Variants in TRIM49C observed in about 807,000 individuals in gnomAD.
The protein encoded by TRIM49C is tripartite motif-containing protein 49C.
In TRIM49C, 6 loss-of-function variants were observed where a neutral mutation model predicts 21.4. The ratio of observed to expected loss-of-function variants is 0.28; its 90% confidence interval spans 0.15 to 0.55. The LOEUF (loss-of-function observed/expected upper bound fraction) is 0.55, where lower values mean the gene tolerates loss of function less well. TRIM49C is among the 20% of genes least tolerant of loss of function. The probability of loss-of-function intolerance (pLI) is 0.94; values close to 1 mark genes in which losing one functional copy is unlikely to be tolerated. For missense variants in TRIM49C, 161 were observed against 442.4 expected (o/e 0.36, Z 5.71); for synonymous variants, 57 against 148.1 (o/e 0.38, Z 4.47).
chr11:90,061,830 T>G, the TRIM49C span: 1 of 286,618 alleles, frequency 3.5e-6, no homozygotes, highest in Non-Finnish European at 5.6e-6. Context: ...ATTCCTGTTA[T>G]ATCAATTGAA....
downstream of TRIM49C, among the ~76,000 whole-genome samples, chr11:90,043,780 G>T (rs1188615772): frequency 8.4e-6 from 1 of 119,152 alleles, no homozygotes; most frequent in East Asian, 2.6e-4. Flanking sequence ...TGGAAAGTTT[G>T]ATTTTTTTTT....
At chr11:90,034,846 A>G (rs557952545) in intron 2 of TRIM49C, among the ~76,000 whole-genome samples, 1 of 135,094 alleles carries the variant, frequency 7.4e-6, no homozygotes, top group Non-Finnish European at 1.6e-5. Flanking sequence ...ACTCTTTCAC[A>G]GTCATTCATC....
the TRIM49C span, chr11:90,051,876 C>A: frequency 1.5e-5 from 7 of 452,032 alleles, 2 homozygotes; most frequent in Non-Finnish European, 2.8e-5. Flanking sequence ...GCTTCTCCTG[C>A]ACCTTGGCCT....
chr11:90,047,984 C>T, the TRIM49C span, among the ~76,000 whole-genome samples: 6 of 117,284 alleles, frequency 5.1e-5, 1 homozygote, highest in Admixed American at 9.8e-5. Context: ...AATCTCTCAG[C>T]ATTTGCTTGT....
At chr11:90,067,642 A>T in the TRIM49C span, among the ~76,000 whole-genome samples, 1 of 141,416 alleles carries the variant, frequency 7.1e-6, no homozygotes, top group African/African-American at 2.6e-5. Context: ...TGTCTTCCTC[A>T]AAACTTAGCT....
At chr11:90,070,792 T>C in the TRIM49C span, among the ~76,000 whole-genome samples, 1 of 141,834 alleles carries the variant, frequency 7.1e-6, no homozygotes, top group Admixed American at 8.0e-5. Context: ...GTTTGTTTCT[T>C]TGATTCTTTG....
chr11:90,067,811 A>C, the TRIM49C span, among the ~76,000 whole-genome samples: 1 of 139,660 alleles, frequency 7.2e-6, no homozygotes, highest in Non-Finnish European at 1.5e-5. Context: ...AATATTCATT[A>C]ATGGAAAACT....
chr11:90,068,441 AG>A, the TRIM49C span, among the ~76,000 whole-genome samples: 1 of 140,868 alleles, frequency 7.1e-6, no homozygotes, highest in Non-Finnish European at 1.5e-5. Context: ...CTAAGCACTA[AG>A]AAAGAAATTG....
downstream of TRIM49C, among the ~76,000 whole-genome samples, chr11:90,042,302 C>T (rs1253344994): frequency 1.4e-5 from 2 of 141,746 alleles, no homozygotes; most frequent in African/African-American, 5.2e-5. Context: ...ATAATTAAAA[C>T]AATTAGTTCA....
At chr11:90,037,235 AAGAAT>A (rs1342261705) in intron 4 of TRIM49C, among the ~76,000 whole-genome samples, 2 of 134,458 alleles carry the variant, frequency 1.5e-5, no homozygotes, top group African/African-American at 5.2e-5. Flanking sequence ...GACTTAGAAA[AAGAAT>A]AGAAGGAAAT....
the TRIM49C span, among the ~76,000 whole-genome samples, chr11:90,067,432 A>G: frequency 1.4e-5 from 2 of 148,076 alleles, no homozygotes; most frequent in African/African-American, 5.0e-5. Flanking sequence ...AAGCATGGTA[A>G]AATACACTAT....
chr11:90,031,661 C>T (rs4002078), intron 1 of TRIM49C, among the ~76,000 whole-genome samples: 18 of 151,816 alleles, frequency 1.2e-4, no homozygotes, highest in Admixed American at 5.9e-4. Context: ...AAAATAATAA[C>T]TCATCTTTCA....
the TRIM49C span, among the ~76,000 whole-genome samples, chr11:90,049,379 G>T: frequency 4.0e-5 from 3 of 75,648 alleles, no homozygotes; most frequent in Non-Finnish European, 7.3e-5. Flanking sequence ...AGGCAGGCAG[G>T]CCTCCTTGAG....
the TRIM49C span, among the ~76,000 whole-genome samples, chr11:90,055,813 A>G: frequency 1.4e-5 from 2 of 145,942 alleles, no homozygotes; most frequent in African/African-American, 2.5e-5. Flanking sequence ...ACCAACTCCT[A>G]TATTGGTACA....
At chr11:90,054,452 T>TAAATAATTTATTTA in the TRIM49C span, among the ~76,000 whole-genome samples, 1 of 137,384 alleles carries the variant, frequency 7.3e-6, no homozygotes, top group Non-Finnish European at 1.6e-5. Context: ...TGAGGCAGAG[T>TAAATAATTTATTTA]CTCACTCAGT....
downstream of TRIM49C, among the ~76,000 whole-genome samples, chr11:90,046,285 T>G (rs1302261227): frequency 7.9e-6 from 1 of 125,842 alleles, no homozygotes; most frequent in Non-Finnish European, 1.6e-5. Flanking sequence ...AGGATGATGC[T>G]GGCCTCATAA....
chr11:90,048,672 CT>C, the TRIM49C span, among the ~76,000 whole-genome samples: 1 of 133,088 alleles, frequency 7.5e-6, no homozygotes, highest in African/African-American at 3.0e-5. Flanking sequence ...TTCATCTAAT[CT>C]TTTTTCAAGG....
intron 4 of TRIM49C, among the ~76,000 whole-genome samples, chr11:90,036,820 A>G (rs1246893955): frequency 1.4e-5 from 2 of 138,720 alleles, no homozygotes; most frequent in Non-Finnish European, 1.6e-5. Context: ...AATATATGCA[A>G]TACATGATGT....
At chr11:90,054,975 T>A in the TRIM49C span, among the ~76,000 whole-genome samples, 1 of 149,570 alleles carries the variant, frequency 6.7e-6, no homozygotes, top group Non-Finnish European at 1.5e-5. Context: ...TATGAGGCAT[T>A]GACTGCTGCA....
Sources: allele counts gnomAD v4.1 joint callset (sites outside exome capture counted in the v4.1 genomes callset), GRCh38; gene constraint gnomAD v4.1.1; transcripts MANE v1.5; gene names NCBI Gene and HGNC (gene_info 2026-07-23, HGNC 2026-07-21).